QTGAL: variants seen among roughly 807,000 people sequenced by gnomAD.
The protein encoded by QTGAL is BGnT-like protein 1.
At chr17:83,002,836 GCCCGCC>G in the QTGAL span, among the ~76,000 whole-genome samples, 7 of 95,260 alleles carry the variant, frequency 7.3e-5, no homozygotes, top group Non-Finnish European at 1.4e-4. Flanking sequence ...GGATTCCTGA[GCCCGCC>G]CTCCCACTCT....
At chr17:83,049,299 T>C in the QTGAL span, 15,310 of 153,432 alleles carry the variant, frequency 0.1, 797 homozygotes, top group East Asian at 0.13. Flanking sequence ...GGCATCAAAT[T>C]GTTCCCAACT....
At chr17:83,043,353 ATAAG>A in the QTGAL span, among the ~76,000 whole-genome samples, 2 of 152,356 alleles carry the variant, frequency 1.3e-5, no homozygotes, top group Middle Eastern at 3.4e-3. Flanking sequence ...GAAACTAGAA[ATAAG>A]TAACAGAAGT....
At chr17:82,987,710 C>T in the QTGAL span, among the ~76,000 whole-genome samples, 4 of 152,176 alleles carry the variant, frequency 2.6e-5, no homozygotes, top group African/African-American at 9.7e-5. Flanking sequence ...AGTGTGATGT[C>T]TCCAGCTTTG....
the QTGAL span, among the ~76,000 whole-genome samples, chr17:82,959,546 C>T: frequency 3.3e-5 from 5 of 151,914 alleles, no homozygotes; most frequent in East Asian, 1.9e-4. Context: ...GACGCAGCCT[C>T]GCCGGGTTTT....
chr17:83,009,227 G>C, the QTGAL span, among the ~76,000 whole-genome samples: 1 of 152,004 alleles, frequency 6.6e-6, no homozygotes, highest in East Asian at 1.9e-4. Flanking sequence ...TTCGAGACCA[G>C]CCTGACCAAC....
chr17:83,006,929 C>T, the QTGAL span: 4 of 656,526 alleles, frequency 6.1e-6, no homozygotes, highest in African/African-American at 2.0e-5. The surrounding 1 kb of genome is among the most constrained non-coding windows in gnomAD (Gnocchi z 5.8). Flanking sequence ...AGAGTGGTTG[C>T]GCCGTCTCTC....
chr17:83,016,602 A>G, the QTGAL span, among the ~76,000 whole-genome samples: 3 of 133,906 alleles, frequency 2.2e-5, no homozygotes, highest in Non-Finnish European at 4.8e-5. Context: ...AGGGGAGAGG[A>G]CTGAAGAGGA....
At chr17:83,048,606 C>G in the QTGAL span, 7 of 1,606,916 alleles carry the variant, frequency 4.4e-6, no homozygotes, top group Non-Finnish European at 6.0e-6. Flanking sequence ...GGAAACTTCC[C>G]TCCGAACAGT....
chr17:82,979,593 CAT>C, the QTGAL span, among the ~76,000 whole-genome samples: 463 of 152,252 alleles, frequency 3.0e-3, 2 homozygotes, highest in African/African-American at 0.011. Context: ...AAAACTACAA[CAT>C]GTGAATGAAG....
the QTGAL span, among the ~76,000 whole-genome samples, chr17:82,990,125 T>C: frequency 6.6e-6 from 1 of 152,284 alleles, no homozygotes; most frequent in Non-Finnish European, 1.5e-5. Flanking sequence ...TCTTCCATGC[T>C]GTGCTTCTGT....
At chr17:82,987,517 C>T in the QTGAL span, among the ~76,000 whole-genome samples, 1 of 152,188 alleles carries the variant, frequency 6.6e-6, no homozygotes, top group Non-Finnish European at 1.5e-5. Context: ...CTCCTGTCAT[C>T]TGAAATATTC....
the QTGAL span, chr17:82,965,776 C>A: frequency 6.4e-7 from 1 of 1,574,528 alleles, no homozygotes; most frequent in Non-Finnish European, 8.7e-7. Flanking sequence ...ACAGAGTTAG[C>A]GGAAAAGAAC....
the QTGAL span, among the ~76,000 whole-genome samples, chr17:82,951,256 G>A: frequency 8.5e-5 from 13 of 152,236 alleles, no homozygotes; most frequent in South Asian, 1.9e-3. Flanking sequence ...GGTTGAGTGC[G>A]GCCACCTCCA....
the QTGAL span, among the ~76,000 whole-genome samples, chr17:83,039,294 GCCCGCC>G: frequency 2.2e-5 from 2 of 90,880 alleles, no homozygotes. Context: ...GGCGCCCGCC[GCCCGCC>G]CCTCTTCTAG....
At chr17:83,038,551 A>G in the QTGAL span, among the ~76,000 whole-genome samples, 145 of 152,334 alleles carry the variant, frequency 9.5e-4, no homozygotes, top group African/African-American at 3.4e-3. Flanking sequence ...ACTCTCTCTA[A>G]TATTCTTTAA....
At chr17:82,959,072 G>A in the QTGAL span, among the ~76,000 whole-genome samples, 1 of 111,536 alleles carries the variant, frequency 9.0e-6, no homozygotes, top group Non-Finnish European at 1.8e-5. Context: ...GTACACTGGG[G>A]GTGTATGGTG....
the QTGAL span, among the ~76,000 whole-genome samples, chr17:83,046,715 C>T: frequency 2.0e-5 from 3 of 152,214 alleles, no homozygotes; most frequent in Non-Finnish European, 4.4e-5. Flanking sequence ...AGAAATTCTA[C>T]ACCAAGGAAT....
At chr17:83,026,378 G>C in the QTGAL span, among the ~76,000 whole-genome samples, 1 of 152,264 alleles carries the variant, frequency 6.6e-6, no homozygotes, top group East Asian at 1.9e-4. Flanking sequence ...CAGCCCAAAA[G>C]CCTGTCCACA....
the QTGAL span, among the ~76,000 whole-genome samples, chr17:82,966,059 G>A: frequency 6.6e-6 from 1 of 150,732 alleles, no homozygotes; most frequent in Admixed American, 6.6e-5. Context: ...ACAGGCGTGT[G>A]CCACCACACC....
Sources: gnomAD v4.1 joint callset for allele counts (sites outside exome capture counted in the v4.1 genomes callset) on GRCh38, gnomAD v4.1.1 for gene constraint, Gnocchi (gnomAD v3.1) non-coding constraint, MANE v1.5 for transcripts, NCBI Gene and HGNC (gene_info 2026-07-23, HGNC 2026-07-21) for gene names.